The following SEC61A1 variants were observed in gnomAD, a reference collection of about 807,000 sequenced individuals.
SEC61A1 encodes protein transport protein Sec61 subunit alpha isoform 1.
SEC61A1 carries 15 observed loss-of-function variants against 55.2 expected under a neutral mutation model. The ratio of observed to expected loss-of-function variants is 0.27; its 90% CI spans 0.18 to 0.42. The LOEUF is 0.42. Among genes scored for constraint, SEC61A1 ranks in the 10% least tolerant of loss-of-function variants. The pLI is 1.00. For synonymous variants in SEC61A1, 247 were observed against 234.0 expected (o/e 1.06, Z -0.51); for missense variants, 284 against 602.6 (o/e 0.47, Z 5.53).
chr3:128,058,407 A>C (rs1223599940), intron 5 of SEC61A1, among the ~76,000 whole-genome samples: 3 of 151,822 alleles, frequency 2.0e-5, no homozygotes, highest in Non-Finnish European at 4.4e-5. Flanking sequence ...ACGGGGTTTC[A>C]CTGTGTTAGT....
At chr3:128,055,609 G>C (rs765305620) in intron 3 of SEC61A1, 28 bp downstream of exon 3, 3 of 1,610,346 alleles carry the variant, frequency 1.9e-6, no homozygotes, top group Non-Finnish European at 2.5e-6. Context: ...TTTCGTATTG[G>C]GGAGGGGGAT....
chr3:128,054,856 GATACTTA>G lies in SEC61A1; in HGVS notation c.76-649_76-643del, dbSNP rs1346864134. On this transcript the variant is annotated intron_variant, in intron 2 of 11. Transcript: ENST00000243253. ...GGTTTTGGGTGGGAGGTTTTCTAAT[GATACTTA>G]ATACTTAATAGTCATCTTTACAGTG... Among the ~76,000 whole-genome samples the G allele has an allele frequency of 1.4e-4, 22 of 152,278 alleles. 1 individual carries two copies. The highest frequency in any genetic ancestry group is 4.6e-4 in the African/African-American group (19 of 41,552).
intron 5 of SEC61A1, among the ~76,000 whole-genome samples, chr3:128,057,636 TCATCTG>T (rs1941791373): frequency 6.6e-6 from 1 of 152,032 alleles, no homozygotes; most frequent in Non-Finnish European, 1.5e-5. Flanking sequence ...GGCGGGCGGA[TCATCTG>T]AGGTCAGGAG....
At chr3:128,058,053 A>T (rs1484161665) in intron 5 of SEC61A1, among the ~76,000 whole-genome samples, 4 of 152,084 alleles carry the variant, frequency 2.6e-5, no homozygotes, top group Admixed American at 1.3e-4. Flanking sequence ...TAGTCATCAA[A>T]ATTAGCCATA....
In SEC61A1 at chr3:128,063,256, AC is replaced by A. The variant is rs570934342; in HGVS notation, c.617-1619del. ...AGATGGGTCCTCTAAGTACAGTCTG[AC>A]CTTCAGTTTCAGCTTTCCTATTTAA... On this transcript the variant is annotated intron_variant, in intron 7 of 11. Transcript: ENST00000243253. Among the ~76,000 whole-genome samples, 20 of 152,280 alleles carry A rather than the reference AC, an allele frequency of 1.3e-4. No homozygotes were observed. In the East Asian group the frequency reaches 3.7e-3, roughly 28 times the overall value.
At chr3:128,061,092 C>T (rs902945933) in intron 7 of SEC61A1, among the ~76,000 whole-genome samples, 6 of 152,196 alleles carry the variant, frequency 3.9e-5, no homozygotes, top group African/African-American at 1.2e-4. Context: ...TAAACCAAAG[C>T]ACTTGGTCAT....
In SEC61A1 at chr3:128,067,879, T is replaced by C; in HGVS notation, c.1168-104T>C. 1 of 894,616 alleles carries C rather than the reference T, an allele frequency of 1.1e-6. No homozygotes were observed. Among genetic ancestry groups the C allele is most frequent in the South Asian group, 1.4e-5 (1 of 73,492 alleles). 55.4% of individuals were successfully genotyped at this position (894,616 alleles called of 1,614,324 possible). On this transcript the variant is annotated intron_variant, in intron 10 of 11. Transcript: ENST00000243253. This position sits in a 1 kb window ranked among gnomAD's most constrained non-coding sequence, Gnocchi z 4.1. Reference sequence around the variant, plus strand: ...GTTTTAAAGTTCTCTGTATGAATATTGTCAGTGCTCGAAGAGGCGATCTGT... The same window carrying C: ...GTTTTAAAGTTCTCTGTATGAATATCGTCAGTGCTCGAAGAGGCGATCTGT...
chr3:128,060,739 C>G, intron 7 of SEC61A1, 78 bp downstream of exon 7: 2 of 1,371,760 alleles, frequency 1.5e-6, no homozygotes, highest in South Asian at 2.8e-5. Context: ...AGACAAAAAT[C>G]CCCCCATTCC....
rs762428662 is a variant in SEC61A1 at position 128,062,205 on chromosome 3, C to T, written c.616+1544C>T. Reference sequence around the variant, plus strand: ...GCTCGTGTTTGGGACCTGGCTGACACGAGATGCATTCAGGAAGGGCTGTGC... The same window carrying T: ...GCTCGTGTTTGGGACCTGGCTGACATGAGATGCATTCAGGAAGGGCTGTGC... On this transcript the variant is annotated intron_variant, in intron 7 of 11. Transcript: ENST00000243253. Among the ~76,000 whole-genome samples, 7 of 152,170 alleles carry T rather than the reference C, an allele frequency of 4.6e-5. No homozygotes were observed. The South Asian group carries it at 6.2e-4, about 13-fold the overall frequency.
upstream of SEC61A1, chr3:128,052,382 C>T: frequency 8.7e-7 from 1 of 1,143,738 alleles, no homozygotes; most frequent in Non-Finnish European, 1.1e-6. Flanking sequence ...GATCCGAGGC[C>T]CGGCCCCGGC....
Position 128,060,579 on chromosome 3 carries a change from T to G in SEC61A1, c.534T>G (p.Gly178=). The G allele has an allele frequency of 6.2e-7, 1 of 1,614,204 alleles. No individual in the cohort carries two copies. Among genetic ancestry groups the G allele is most frequent in the Non-Finnish European group, 8.5e-7 (1 of 1,180,018 alleles). ...AAAAAGGATATGGCCTTGGCTCTGGTATTTCTCTCTTCATTGCAACTAACA... is the reference window on the plus strand; with the variant it reads ...AAAAAGGATATGGCCTTGGCTCTGGGATTTCTCTCTTCATTGCAACTAACA... The part of the protein sequence containing the change: ...LLQKGYGLGS[G]ISLFIATNIC... The change falls in exon 7 of 12, where the codon GGT becomes GGG. Residue 178 remains glycine (G), a synonymous_variant. Coordinates refer to ENST00000243253, the MANE Select transcript of SEC61A1 (RefSeq NM_013336.4).
chr3:128,055,402 GAA>G (rs1327895207), intron 2 of SEC61A1, 112 bp from the exon 3 acceptor site: 7 of 841,972 alleles, frequency 8.3e-6, no homozygotes, highest in Admixed American at 5.4e-5. Context: ...GCTGAACAGA[GAA>G]AAGAGTCTGG....
rs1457976463 is a variant in SEC61A1, at chr3:128,067,890, G to A, written c.1168-93G>A. The A allele has an allele frequency of 1.6e-5, 16 of 994,090 alleles. No homozygotes were observed. Among genetic ancestry groups the A allele is most frequent in the East Asian group, 4.8e-5 (2 of 41,882 alleles). The allele number at this position is 994,090 out of a possible 1,614,324, so 61.6% of individuals were successfully genotyped here. A position where few individuals can be genotyped will look rare whatever the true frequency, so the allele number is the denominator to read the frequency against. Reference sequence around the variant, plus strand: ...CTCTGTATGAATATTGTCAGTGCTCGAAGAGGCGATCTGTAACTGTTCAGT... The same window carrying A: ...CTCTGTATGAATATTGTCAGTGCTCAAAGAGGCGATCTGTAACTGTTCAGT... On this transcript the variant is annotated intron_variant, in intron 10 of 11. Transcript: ENST00000243253. The surrounding 1 kb of genome is among the most constrained non-coding windows in gnomAD (Gnocchi z 4.1).
chr3:128,060,371 A>T, intron 6 of SEC61A1, 137 bp from the exon 7 acceptor site: 1 of 1,110,028 alleles, frequency 9.0e-7, no homozygotes, highest in Non-Finnish European at 1.3e-6. Context: ...GAAAGGCTTT[A>T]CTGACCGCTC....
At position 128,069,527 on chromosome 3, in the gene SEC61A1, G is replaced by A. The variant is rs750919679; in HGVS notation, c.1296G>A (p.Ser432=). 8.7e-6 allele frequency: 14 copies of A among 1,613,888 alleles called. No individual in the cohort carries two copies. The highest frequency in any genetic ancestry group is 4.5e-5 in the East Asian group (2 of 44,880). The change falls in exon 12 of 12, where the codon TCG becomes TCA. Residue 432 remains serine, a synonymous_variant. Transcript: ENST00000243253. ...GTGGGCTGTGCATCGGGGCCCTCTC[G>A]GTCCTGGCTGACTTCCTAGGCGCCA... ...AFGGLCIGAL[S]VLADFLGAIG...
rs897210698 is a variant in SEC61A1, at chr3:128,067,903, G to C, written c.1168-80G>C. ...TTGTCAGTGCTCGAAGAGGCGATCT[G>C]TAACTGTTCAGTACCACTTGGAATG... On this transcript the variant is annotated intron_variant, in intron 10 of 11. Coordinates refer to ENST00000243253, the MANE Select transcript of SEC61A1 (RefSeq NM_013336.4). This position sits in a 1 kb window ranked among gnomAD's most constrained non-coding sequence, Gnocchi z 4.1. 1.8e-6 allele frequency: 2 copies of C among 1,121,626 alleles called. No homozygotes were observed. The highest frequency in any genetic ancestry group is 1.5e-5 in the African/African-American group (1 of 65,040). 69.5% of individuals were successfully genotyped at this position (1,121,626 alleles called of 1,614,324 possible).
chr3:128,066,386 A>G (rs1941978530), intron 8 of SEC61A1, among the ~76,000 whole-genome samples: 1 of 152,028 alleles, frequency 6.6e-6, no homozygotes, highest in South Asian at 2.1e-4. Context: ...TGGAAAAAAA[A>G]AAAGTGGGGG....
In SEC61A1 at chr3:128,067,820, A is replaced by T. The variant is rs924318832; in HGVS notation, c.1168-163A>T. 5.7e-6 allele frequency: 4 copies of T among 704,554 alleles called. No homozygotes were observed. The highest frequency in any genetic ancestry group is 2.5e-4 in the Middle Eastern group (1 of 3,962). 43.6% of individuals were successfully genotyped at this position (704,554 alleles called of 1,614,324 possible). ...TATGAGAATCTGAATCCACACTGTA[A>T]AGTTAGACTTTTTCATATGACTTCC... On this transcript the variant is annotated intron_variant, in intron 10 of 11. Coordinates refer to ENST00000243253, the MANE Select transcript of SEC61A1 (RefSeq NM_013336.4). The surrounding 1 kb of genome is among the most constrained non-coding windows in gnomAD (Gnocchi z 4.1).
At position 128,060,670 on chromosome 3, in the gene SEC61A1, C is replaced by A. The variant is rs768383315; in HGVS notation, c.616+9C>A. ...TGTCAACACTGGCCGAGGTAAGGGC[C>A]CTGTGCTCCCCTGGTGGCGACAGCT... On this transcript the variant is annotated intron_variant, in intron 7 of 11. Coordinates refer to ENST00000243253, the MANE Select transcript of SEC61A1 (RefSeq NM_013336.4). 31 of 1,611,648 alleles carry A rather than the reference C, an allele frequency of 1.9e-5. No homozygotes were observed. The highest frequency in any genetic ancestry group is 2.5e-5 in the Non-Finnish European group (30 of 1,179,082).
Sources: gnomAD v4.1 joint callset for allele counts (sites outside exome capture counted in the v4.1 genomes callset) on GRCh38, gnomAD v4.1.1 for gene constraint, Gnocchi (gnomAD v3.1) non-coding constraint, MANE v1.5 for transcripts, NCBI Gene and HGNC (gene_info 2026-07-23, HGNC 2026-07-21) for gene names.